GSE1: variants seen among roughly 807,000 people sequenced by gnomAD.
The protein encoded by GSE1 is Gse1 coiled-coil protein, also known as genetic suppressor element 1.
In GSE1, 32 loss-of-function variants were observed where a neutral mutation model predicts 112.6. The observed-to-expected ratio is 0.28, with a 90% confidence interval of 0.21 to 0.38. GSE1 has a LOEUF of 0.38. Among genes scored for constraint, GSE1 ranks in the 10% least tolerant of loss-of-function variants. The probability of loss-of-function intolerance (pLI) is 1.00; values close to 1 mark genes in which losing one functional copy is unlikely to be tolerated. For synonymous variants in GSE1, 1,115 were observed against 735.6 expected (o/e 1.52, Z -8.35); for missense variants, 2,348 against 1,699.2 (o/e 1.38, Z -6.71).
chr16:85,213,231 T>G (rs1359563672), intron 1 of GSE1, among the ~76,000 whole-genome samples: 3 of 147,488 alleles, frequency 2.0e-5, no homozygotes, highest in Non-Finnish European at 3.0e-5. Context: ...ATCACACTAC[T>G]GCACTCCAGC....
intron 1 of GSE1, among the ~76,000 whole-genome samples, chr16:85,248,718 G>A (rs1906134923): frequency 6.6e-6 from 1 of 152,224 alleles, no homozygotes; most frequent in Non-Finnish European, 1.5e-5. Flanking sequence ...CAGGGAGGGG[G>A]GTGCTGGCTG....
At chr16:85,467,915 G>A (rs971319401) in intron 2 of GSE1, among the ~76,000 whole-genome samples, 1 of 152,222 alleles carries the variant, frequency 6.6e-6, no homozygotes, top group African/African-American at 2.4e-5. Flanking sequence ...TCTGAGCTGG[G>A]ACCTGAGACA....
rs371328519 is a variant in GSE1, at chr16:85,656,589, C to T, written c.1236C>T (p.Ala412=). The T allele has an allele frequency of 9.5e-4, 1,475 of 1,547,162 alleles. No homozygotes were observed. Among genetic ancestry groups the T allele is most frequent in the Non-Finnish European group, 1.2e-3 (1,370 of 1,145,662 alleles). ...KALEPSFLPV[A]ELHGLRGHAT... ...TGGAGCCCAGCTTCCTGCCCGTGGC[C>T]GAGCTGCATGGGCTGCGTGGCCATG... The change falls in exon 7 of 16, where the codon GCC becomes GCT. Residue 412 remains alanine (A), a synonymous_variant. Transcript: ENST00000253458.
intron 2 of GSE1, among the ~76,000 whole-genome samples, chr16:85,640,418 A>G (rs1567699648): frequency 6.6e-6 from 1 of 152,182 alleles, no homozygotes; most frequent in Non-Finnish European, 1.5e-5. Flanking sequence ...TGGGGCTGGA[A>G]CTGCTCTCTT....
chr16:85,391,974 TTGG>T (rs1221603623), intron 2 of GSE1, among the ~76,000 whole-genome samples: 1 of 152,056 alleles, frequency 6.6e-6, no homozygotes, highest in Admixed American at 6.5e-5. Context: ...AGGAAAGGTG[TTGG>T]TGGATACCTC....
chr16:85,612,111 C>T (rs974979969), upstream of GSE1, among the ~76,000 whole-genome samples: 50 of 152,046 alleles, frequency 3.3e-4, 1 homozygote, highest in Non-Finnish European at 1.5e-4. Flanking sequence ...GACCCCGGGG[C>T]CTCAGAGCCG....
intron 2 of GSE1, among the ~76,000 whole-genome samples, chr16:85,642,934 G>T (rs1471070288): frequency 6.6e-6 from 1 of 152,160 alleles, no homozygotes; most frequent in South Asian, 2.1e-4. Context: ...TCGGTCTACA[G>T]TGCGCTGGAG....
intron 1 of GSE1, among the ~76,000 whole-genome samples, chr16:85,303,901 G>A (rs986252680): frequency 6.6e-6 from 1 of 152,218 alleles, no homozygotes; most frequent in Non-Finnish European, 1.5e-5. Flanking sequence ...TCCCGGGGAC[G>A]CCCCGGCCAT....
chr16:85,669,677 A>G (rs562661910), intron 14 of GSE1, among the ~76,000 whole-genome samples: 1 of 152,294 alleles, frequency 6.6e-6, no homozygotes, highest in Non-Finnish European at 1.5e-5. Context: ...GGTGTTGGGA[A>G]TTATTTCCAT....
intron 9 of GSE1, chr16:85,662,189 C>A: frequency 5.9e-6 from 1 of 170,668 alleles, no homozygotes; most frequent in Non-Finnish European, 1.2e-5. Flanking sequence ...GTTGAGGACG[C>A]GGCGGCTGGC....
intron 1 of GSE1, among the ~76,000 whole-genome samples, chr16:85,614,644 G>A (rs2048255099): frequency 6.6e-6 from 1 of 152,230 alleles, no homozygotes; most frequent in Non-Finnish European, 1.5e-5. Context: ...GCTGGCGGTG[G>A]GGGAGCACCT....
chr16:85,192,178 A>G (rs189847074), intron 1 of GSE1, among the ~76,000 whole-genome samples: 2 of 152,264 alleles, frequency 1.3e-5, no homozygotes, highest in East Asian at 1.9e-4. Context: ...TGTACATTGT[A>G]TGTTTTGGTC....
chr16:85,331,707 A>ATT (rs566551746), intron 1 of GSE1, among the ~76,000 whole-genome samples: 2 of 51,982 alleles, frequency 3.8e-5, no homozygotes, highest in South Asian at 5.9e-4. Flanking sequence ...ATATATATAT[A>ATT]TTTTTTTTTT....
At chr16:85,491,692 C>T (rs1250394587) in intron 2 of GSE1, among the ~76,000 whole-genome samples, 2 of 151,980 alleles carry the variant, frequency 1.3e-5, no homozygotes, top group African/African-American at 2.4e-5. Context: ...GCCTGGTCTC[C>T]TTTCAGGAAG....
intron 1 of GSE1, among the ~76,000 whole-genome samples, chr16:85,616,589 C>T (rs953062522): frequency 3.3e-5 from 5 of 152,200 alleles, no homozygotes; most frequent in African/African-American, 1.2e-4. Flanking sequence ...CCTCCCTTTC[C>T]TGGTGTGCCG....
At chr16:85,208,878 A>G (rs573654601) in intron 1 of GSE1, among the ~76,000 whole-genome samples, 22 of 92,442 alleles carry the variant, frequency 2.4e-4, no homozygotes, top group East Asian at 5.7e-4. Flanking sequence ...GTTGGGGTTC[A>G]CCACGTGTTG....
intron 2 of GSE1, among the ~76,000 whole-genome samples, chr16:85,487,902 C>T (rs551908269): frequency 6.6e-6 from 1 of 152,310 alleles, no homozygotes; most frequent in Admixed American, 6.5e-5. Context: ...TGGTTCGGGG[C>T]AAGGGTGACC....
At chr16:85,572,376 A>G (rs2046034195) in intron 1 of GSE1, among the ~76,000 whole-genome samples, 1 of 141,980 alleles carries the variant, frequency 7.0e-6, no homozygotes, top group African/African-American at 2.7e-5. Flanking sequence ...CACCACACAC[A>G]CCACATACCC....
At chr16:85,510,051 C>T (rs1029924629) in intron 2 of GSE1, among the ~76,000 whole-genome samples, 1 of 152,224 alleles carries the variant, frequency 6.6e-6, no homozygotes, top group Non-Finnish European at 1.5e-5. Flanking sequence ...GGCCAAGCCG[C>T]GCTGAGCAGG....
Sources: gnomAD v4.1 joint callset for allele counts (sites outside exome capture counted in the v4.1 genomes callset) on GRCh38, gnomAD v4.1.1 for gene constraint, MANE v1.5 for transcripts, NCBI Gene and HGNC (gene_info 2026-07-23, HGNC 2026-07-21) for gene names.